OOSP2: variants seen among roughly 807,000 people sequenced by gnomAD.
OOSP2 encodes oocyte secreted protein 2.
OOSP2 carries 7 observed loss-of-function variants against 13.4 expected under a neutral mutation model. The observed-to-expected ratio is 0.52, with a 90% CI of 0.30 to 0.98. The LOEUF (loss-of-function observed/expected upper bound fraction) is 0.98, where lower values mean the gene tolerates loss of function less well. Among genes scored for constraint, OOSP2 ranks in the 50% least tolerant of loss-of-function variants. The probability of loss-of-function intolerance (pLI) is 0.07; values close to 1 mark genes in which losing one functional copy is unlikely to be tolerated. For synonymous variants in OOSP2, 75 were observed against 67.2 expected, an observed-to-expected ratio of 1.12 and a Z score of -0.57; for missense variants, 184 against 188.5, an observed-to-expected ratio of 0.98 and a Z score of 0.14.
chr11:60,042,011 C>G (rs1854938625), intron 1 of OOSP2, among the ~76,000 whole-genome samples: 1 of 151,830 alleles, frequency 6.6e-6, no homozygotes, highest in Non-Finnish European at 1.5e-5. Flanking sequence ...CCCAGCTACT[C>G]GGGAGGCTGA....
chr11:60,040,653 G>T, intron 1 of OOSP2, 130 bp downstream of exon 1: 1 of 628,750 alleles, frequency 1.6e-6, no homozygotes, highest in South Asian at 1.9e-5. Context: ...GCGCTTTCAG[G>T]CCAAGTAGAC....
At position 60,044,785 on chromosome 11, in the gene OOSP2, C is replaced by G; in HGVS notation, c.347+11C>G. 8.0e-7 allele frequency: 1 copy of G among 1,252,826 alleles called. No individual in the cohort carries two copies. Among genetic ancestry groups the G allele is most frequent in the Non-Finnish European group, 1.2e-6 (1 of 855,666 alleles). The allele number at this position is 1,252,826 out of a possible 1,614,324, so 77.6% of individuals were successfully genotyped here. A position where few individuals can be genotyped will look rare whatever the true frequency, so the allele number is the denominator to read the frequency against. On this transcript the variant is annotated intron_variant, in intron 3 of 3. Transcript: ENST00000278855. Reference sequence around the variant, plus strand: ...GTGTTCCACCTCTAGGTAAGTCCAGCAGATTTGATTCCTTTGGAATGTTTT... The same window carrying G: ...GTGTTCCACCTCTAGGTAAGTCCAGGAGATTTGATTCCTTTGGAATGTTTT...
intron 3 of OOSP2, among the ~76,000 whole-genome samples, chr11:60,046,080 CTCTCTCTCTCTGTCTCTGTCCCTG>C (rs1855004133): frequency 1.1e-5 from 1 of 91,616 alleles, no homozygotes; most frequent in Non-Finnish European, 2.3e-5. Context: ...CTCTGTCTGT[CTCTCTCTCTCTGTCTCTGTCCCTG>C]TCTCTCTGGT....
rs913622236 is a variant in OOSP2, at chr11:60,044,733, T to C, written c.306T>C (p.Asp102=). The part of the protein sequence containing the change: ...TELYFTPRNI[D]HDPQEIHLEC... Reference sequence around the variant, plus strand: ...TGTACTTTACCCCAAGGAATATAGATCATGACCCTCAGGAAATCCATTTGG... The same window carrying C: ...TGTACTTTACCCCAAGGAATATAGACCATGACCCTCAGGAAATCCATTTGG... The change falls in exon 3 of 4, where the codon GAT becomes GAC. Residue 102 remains aspartate (D), a synonymous_variant. Coordinates refer to ENST00000278855, the MANE Select transcript of OOSP2 (RefSeq NM_173801.5). 3 of 1,602,396 alleles carry C rather than the reference T, an allele frequency of 1.9e-6. No individual in the cohort carries two copies. In the African/African-American group the frequency reaches 4.0e-5, roughly 21 times the overall value.
At position 60,047,207 on chromosome 11, in the gene OOSP2, A is replaced by T; in HGVS notation, c.*134A>T. On this transcript the variant is annotated 3_prime_UTR_variant, in exon 4 of 4. Coordinates refer to ENST00000278855, the MANE Select transcript of OOSP2 (RefSeq NM_173801.5). ...TGGTTTCTAAAAACCCTACTTCAGT[A>T]AAGGTCCTGATTAGTTGATTAGTGA... 1.5e-6 allele frequency: 1 copy of T among 674,450 alleles called. No homozygotes were observed. 41.8% of individuals were successfully genotyped at this position (674,450 alleles called of 1,614,324 possible). A position where few individuals can be genotyped will look rare whatever the true frequency, so the allele number is the denominator to read the frequency against.
intron 3 of OOSP2, chr11:60,046,621 A>G: frequency 2.1e-6 from 1 of 475,846 alleles, no homozygotes; most frequent in Non-Finnish European, 4.1e-6. Flanking sequence ...TGTTCTTAGG[A>G]TCCATTTGGC....
intron 3 of OOSP2, among the ~76,000 whole-genome samples, chr11:60,045,203 A>G (rs1230674518): frequency 6.6e-6 from 1 of 152,184 alleles, no homozygotes; most frequent in Non-Finnish European, 1.5e-5. Flanking sequence ...AACATAAGAA[A>G]ATCAGTCCTT....
chr11:60,042,008 A>G (rs1301716750), intron 1 of OOSP2, among the ~76,000 whole-genome samples: 1 of 151,482 alleles, frequency 6.6e-6, no homozygotes, highest in East Asian at 1.9e-4. Flanking sequence ...AGTCCCAGCT[A>G]CTCGGGAGGC....
chr11:60,045,636 G>A (rs1854998475), intron 3 of OOSP2, among the ~76,000 whole-genome samples: 1 of 151,964 alleles, frequency 6.6e-6, no homozygotes, highest in African/African-American at 2.4e-5. Flanking sequence ...TTGTAAATTT[G>A]TTAAAATGTA....
In OOSP2 at chr11:60,047,301, A is replaced by T; in HGVS notation, c.*228A>T. The stretch of plus-strand genomic sequence containing the variant: ...TTAATTTAACATTAACTATTAGGTA[A>T]TTCATATTATACATTTAAGTTCTTT... On this transcript the variant is annotated 3_prime_UTR_variant, in exon 4 of 4. Coordinates refer to ENST00000278855, the MANE Select transcript of OOSP2 (RefSeq NM_173801.5). 1 of 349,900 alleles carries T rather than the reference A, an allele frequency of 2.9e-6. No individual in the cohort carries two copies. Among genetic ancestry groups the T allele is most frequent in the Non-Finnish European group, 5.2e-6 (1 of 193,926 alleles). The allele number at this position is 349,900 out of a possible 1,614,324, so 21.7% of individuals were successfully genotyped here. A position where few individuals can be genotyped will look rare whatever the true frequency, so the allele number is the denominator to read the frequency against.
intron 1 of OOSP2, among the ~76,000 whole-genome samples, chr11:60,041,014 T>C (rs931922870): frequency 6.6e-6 from 1 of 152,236 alleles, no homozygotes; most frequent in Non-Finnish European, 1.5e-5. Context: ...GCAAAGTTAA[T>C]AGGAGAAAGC....
rs183926427 is a variant in OOSP2, at chr11:60,041,909, G to A, written c.64+1386G>A. On this transcript the variant is annotated intron_variant, in intron 1 of 3. Transcript: ENST00000278855. ...TGAAAAACAGGCTGGGTACACGGTGGCTCACGCCTGTAATCCCAGCACTTT... is the reference window on the plus strand; with the variant it reads ...TGAAAAACAGGCTGGGTACACGGTGACTCACGCCTGTAATCCCAGCACTTT... Among the ~76,000 whole-genome samples, 3 of 147,176 alleles carry A rather than the reference G, an allele frequency of 2.0e-5. No homozygotes were observed. In the East Asian group the frequency reaches 6.1e-4, roughly 30 times the overall value.
chr11:60,040,590 G>T, intron 1 of OOSP2, 67 bp downstream of exon 1: 2 of 899,744 alleles, frequency 2.2e-6, no homozygotes, highest in Non-Finnish European at 3.8e-6. Context: ...TTCCATGCAG[G>T]TGTTTTACTC....
rs1395584133 is a variant in OOSP2 at position 60,047,013 on chromosome 11, T to G, written c.417T>G (p.Ala139=). Residue 139 remains alanine (A), a synonymous_variant, in exon 4 of 4, where the codon GCT becomes GCG. Transcript: ENST00000278855. ...EIKLDPSPFI[A]DFQTTAEELG... is the part of the protein sequence containing the mutation. ...AATTGGATCCTAGTCCTTTTATTGC[T>G]GACTTTCAGACAACAGCAGAAGAGT... is the stretch of plus-strand genomic sequence containing the variant. 1 of 1,610,106 alleles carries G rather than the reference T, an allele frequency of 6.2e-7. No individual in the cohort carries two copies. The highest frequency in any genetic ancestry group is 1.1e-5 in the South Asian group (1 of 90,974).
At chr11:60,044,013 C>T (rs1815640703) in intron 2 of OOSP2, among the ~76,000 whole-genome samples, 1 of 152,168 alleles carries the variant, frequency 6.6e-6, no homozygotes, top group Non-Finnish European at 1.5e-5. Context: ...TATCCATGTT[C>T]CATGAGGATT....
chr11:60,047,161 G>A lies in OOSP2; in HGVS notation c.*88G>A. ...TTTTCATAGCAAAAATATAGTTGGT[G>A]TATATCTCTCCTTAAGTCTCTGGTT... On this transcript the variant is annotated 3_prime_UTR_variant, in exon 4 of 4. Coordinates refer to ENST00000278855, the MANE Select transcript of OOSP2 (RefSeq NM_173801.5). The A allele has an allele frequency of 9.1e-7, 1 of 1,099,380 alleles. No homozygotes were observed. The highest frequency in any genetic ancestry group is 1.5e-5 in the South Asian group (1 of 65,220). 68.1% of individuals were successfully genotyped at this position (1,099,380 alleles called of 1,614,324 possible). A position where few individuals can be genotyped will look rare whatever the true frequency, so the allele number is the denominator to read the frequency against.
At chr11:60,040,750 G>A (rs995430572) in intron 1 of OOSP2, among the ~76,000 whole-genome samples, 3 of 151,944 alleles carry the variant, frequency 2.0e-5, no homozygotes, top group African/African-American at 4.8e-5. Context: ...CTCTGTTTTG[G>A]TCTTCTCTCT....
chr11:60,041,273 A>G (rs957747117), intron 1 of OOSP2, among the ~76,000 whole-genome samples: 2 of 152,234 alleles, frequency 1.3e-5, no homozygotes, highest in African/African-American at 4.8e-5. Flanking sequence ...GGAAGCAAAG[A>G]TCACATATAG....
rs2134643244 is a variant in OOSP2 at position 60,047,473 on chromosome 11, T to C, written c.*400T>C. 1 of 153,568 alleles carries C rather than the reference T, an allele frequency of 6.5e-6. No individual in the cohort carries two copies. The highest frequency in any genetic ancestry group is 1.9e-4 in the East Asian group (1 of 5,248). The allele number at this position is 153,568 out of a possible 1,614,324, so 9.5% of individuals were successfully genotyped here. A position where few individuals can be genotyped will look rare whatever the true frequency, so the allele number is the denominator to read the frequency against. On this transcript the variant is annotated 3_prime_UTR_variant, in exon 4 of 4. Transcript: ENST00000278855. ...TATAAATGTGCAAGAGGCAAAACTT[T>C]GAGCATAGTGTAAAATTTAACATAT...
Sources: allele counts gnomAD v4.1 joint callset (sites outside exome capture counted in the v4.1 genomes callset), GRCh38; gene constraint gnomAD v4.1.1; transcripts MANE v1.5; gene names NCBI Gene and HGNC (gene_info 2026-07-23, HGNC 2026-07-21).